PCDH15: variants seen among roughly 807,000 people sequenced by gnomAD.
PCDH15 encodes the protein protocadherin-15.
Under a neutral mutation model 178.5 loss-of-function variants are expected in PCDH15, and 129 were observed. The ratio of observed to expected loss-of-function variants is 0.72; its 90% CI spans 0.63 to 0.84. The LOEUF (loss-of-function observed/expected upper bound fraction) is 0.84. Ranked by LOEUF, PCDH15 falls within the 40% of genes least tolerant of loss-of-function variation. The pLI, the probability that PCDH15 is intolerant of heterozygous loss-of-function variation, is 0.00. For synonymous variants in PCDH15, 800 were observed against 732.0 expected, an observed-to-expected ratio of 1.09 and a Z score of -1.50; for missense variants, 2,230 against 2,099.9, an observed-to-expected ratio of 1.06 and a Z score of -1.21.
intron 2 of PCDH15, among the ~76,000 whole-genome samples, chr10:55,377,995 G>A (rs191560488): frequency 7.4e-4 from 113 of 152,180 alleles, no homozygotes; most frequent in African/African-American, 2.4e-3. Context: ...CTCATAAGTG[G>A]GAGTTGAACA....
intron 1 of PCDH15, among the ~76,000 whole-genome samples, chr10:55,310,281 C>T (rs1843551598): frequency 6.6e-6 from 1 of 152,098 alleles, no homozygotes; most frequent in Admixed American, 6.5e-5. Flanking sequence ...CAGCATGTGT[C>T]TGACACATAA....
chr10:55,283,824 G>C (rs1032479728), intron 1 of PCDH15, among the ~76,000 whole-genome samples: 2 of 152,038 alleles, frequency 1.3e-5, no homozygotes, highest in African/African-American at 4.8e-5. Flanking sequence ...TCTACTAAAA[G>C]TTGTTTGGAA....
chr10:54,097,925 A>G (rs1331255972), intron 15 of PCDH15, among the ~76,000 whole-genome samples: 2 of 152,104 alleles, frequency 1.3e-5, no homozygotes, highest in African/African-American at 2.4e-5. Context: ...AGTCCAGGAA[A>G]CTCAGTCAGA....
At chr10:55,561,764 T>A (rs1333331226) in intron 2 of PCDH15, among the ~76,000 whole-genome samples, 1 of 151,832 alleles carries the variant, frequency 6.6e-6, no homozygotes, top group East Asian at 1.9e-4. Flanking sequence ...AACTGACACT[T>A]TTCAAATTTC....
intron 2 of PCDH15, among the ~76,000 whole-genome samples, chr10:54,936,397 G>T (rs1235920085): frequency 1.3e-5 from 2 of 151,910 alleles, no homozygotes; most frequent in African/African-American, 4.8e-5. Flanking sequence ...TATATATCTA[G>T]GAGTGGAATT....
chr10:53,921,716 T>C lies in PCDH15; in HGVS notation c.3373+17099A>G, dbSNP rs115690663. Among the ~76,000 whole-genome samples, 1,123 of 152,264 alleles carry C rather than the reference T, an allele frequency of 7.4e-3. 17 individuals are homozygous for C. The highest frequency in any genetic ancestry group is 0.024 in the African/African-American group (991 of 41,550). On this transcript the variant is annotated intron_variant, in intron 25 of 37. Coordinates refer to ENST00000644397, the MANE Select transcript of PCDH15 (RefSeq NM_001384140.1). Reference sequence around the variant, plus strand: ...TGAAGCCTCTCCATGTTTTTGTTTTTCCTTAGACCCTATTCAATTTCTCTC... The same window carrying C: ...TGAAGCCTCTCCATGTTTTTGTTTTCCCTTAGACCCTATTCAATTTCTCTC...
intron 2 of PCDH15, among the ~76,000 whole-genome samples, chr10:55,405,359 G>C (rs1290291445): frequency 7.0e-6 from 1 of 142,684 alleles, no homozygotes; most frequent in Non-Finnish European, 1.5e-5. Context: ...ATAATATAAA[G>C]GAGTAATCTT....
chr10:55,022,177 G>A (rs1314066644), intron 2 of PCDH15, among the ~76,000 whole-genome samples: 3 of 151,990 alleles, frequency 2.0e-5, no homozygotes, highest in South Asian at 2.1e-4. Flanking sequence ...TGTAGGCCGG[G>A]CTCGGTGGCT....
At chr10:54,144,621 C>T (rs935106764) in intron 14 of PCDH15, among the ~76,000 whole-genome samples, 6 of 152,128 alleles carry the variant, frequency 3.9e-5, no homozygotes, top group Admixed American at 2.6e-4. Flanking sequence ...ATCGCCTCAG[C>T]GGCAGCACCC....
chr10:55,341,101 G>T (rs558529982), intron 2 of PCDH15, among the ~76,000 whole-genome samples: 64 of 151,720 alleles, frequency 4.2e-4, no homozygotes, highest in Non-Finnish European at 8.4e-4. Context: ...CCAAATAGTG[G>T]AGATTAATTG....
chr10:54,468,089 T>A (rs2077649564), intron 3 of PCDH15, among the ~76,000 whole-genome samples: 1 of 151,962 alleles, frequency 6.6e-6, no homozygotes, highest in Non-Finnish European at 1.5e-5. Context: ...ATAAATTTTA[T>A]CTTTTTTTGG....
chr10:54,652,420 T>C (rs569645439), intron 2 of PCDH15, among the ~76,000 whole-genome samples: 1 of 152,302 alleles, frequency 6.6e-6, no homozygotes, highest in South Asian at 2.1e-4. Flanking sequence ...AAAAGCCATA[T>C]GCCTAAGACC....
chr10:55,121,469 C>G lies in PCDH15; in HGVS notation c.-80+45107G>C, dbSNP rs557055497. ...AAGTTGATGCCAGAATGAGTTAAGACTTTTAGGGCTATTGGGATGGAATGA... is the reference window on the plus strand; with the variant it reads ...AAGTTGATGCCAGAATGAGTTAAGAGTTTTAGGGCTATTGGGATGGAATGA... On this transcript the variant is annotated intron_variant, in intron 2 of 5. Transcript: ENST00000458638. Among the ~76,000 whole-genome samples the G allele has an allele frequency of 2.6e-5, 4 of 151,876 alleles. No homozygotes were observed. In the East Asian group the frequency reaches 7.8e-4, roughly 30 times the overall value.
chr10:54,877,934 CTCTCTTTTTTTTTT>C (rs1954175933), intron 3 of PCDH15, among the ~76,000 whole-genome samples: 1 of 28,778 alleles, frequency 3.5e-5, no homozygotes. Context: ...TTCTCTCTCT[CTCTCTTTTTTTTTT>C]TTTTTTTTTT....
At chr10:53,873,825 A>C (rs1162872609) in intron 26 of PCDH15, among the ~76,000 whole-genome samples, 2 of 152,322 alleles carry the variant, frequency 1.3e-5, no homozygotes, top group Middle Eastern at 3.4e-3. Context: ...TCATGATGGC[A>C]GAGCCCCCAT....
chr10:54,220,973 A>T (rs2052741104), intron 9 of PCDH15, among the ~76,000 whole-genome samples: 1 of 151,936 alleles, frequency 6.6e-6, no homozygotes, highest in African/African-American at 2.4e-5. Flanking sequence ...GACTAAGAAC[A>T]CTTAATGTTT....
At chr10:54,909,404 CAA>C (rs1296087100) in intron 2 of PCDH15, among the ~76,000 whole-genome samples, 6 of 152,252 alleles carry the variant, frequency 3.9e-5, no homozygotes, top group Middle Eastern at 3.4e-3. Context: ...TGTTTGCACC[CAA>C]AGTCTCGAGG....
chr10:55,122,065 A>C (rs1837785968), intron 2 of PCDH15, among the ~76,000 whole-genome samples: 1 of 152,196 alleles, frequency 6.6e-6, no homozygotes, highest in Non-Finnish European at 1.5e-5. Context: ...GTTATGAAAA[A>C]TTAAGGGAAA....
rs190246756 is a variant in PCDH15 at position 54,192,722 on chromosome 10, C to T, written c.1305+2961G>A. Among the ~76,000 whole-genome samples, 12 of 152,230 alleles carry T rather than the reference C, an allele frequency of 7.9e-5. No homozygotes were observed. In the East Asian group the frequency reaches 2.3e-3, roughly 29 times the overall value. ...TGTTCACTCTCTGGACACCTAATGA[C>T]AGTCACTCACCATAGATTATTTTAG... On this transcript the variant is annotated intron_variant, in intron 11 of 37. Coordinates refer to ENST00000644397, the MANE Select transcript of PCDH15 (RefSeq NM_001384140.1).
Sources: allele counts gnomAD v4.1 joint callset (sites outside exome capture counted in the v4.1 genomes callset), GRCh38; gene constraint gnomAD v4.1.1; transcripts MANE v1.5; gene names NCBI Gene and HGNC (gene_info 2026-07-23, HGNC 2026-07-21).